The following XRN1 variants were observed in gnomAD, a reference collection of about 807,000 sequenced individuals.
The protein encoded by XRN1 is strand-exchange protein 1 homolog.
XRN1 carries 67 observed loss-of-function variants against 222.3 expected under a neutral mutation model. The ratio of observed to expected loss-of-function variants is 0.30; its 90% CI spans 0.25 to 0.37. The LOEUF (loss-of-function observed/expected upper bound fraction) is 0.37. Among genes scored for constraint, XRN1 ranks in the 10% least tolerant of loss-of-function variants. XRN1 has a pLI of 1.00. For synonymous variants in XRN1, 643 were observed against 652.4 expected, an observed-to-expected ratio of 0.99 and a Z score of 0.22; for missense variants, 1,707 against 2,000.2, an observed-to-expected ratio of 0.85 and a Z score of 2.80.
chr3:142,391,736 T>TA (rs201046497), intron 20 of XRN1, among the ~76,000 whole-genome samples: 25 of 122,146 alleles, frequency 2.0e-4, no homozygotes, highest in African/African-American at 6.5e-4. Flanking sequence ...CCCGTCTCAC[T>TA]AAAAAAAAAA....
At chr3:142,411,478 T>C (rs1350303790) in intron 15 of XRN1, among the ~76,000 whole-genome samples, 1 of 152,112 alleles carries the variant, frequency 6.6e-6, no homozygotes, top group African/African-American at 2.4e-5. Context: ...TAAATTTCCT[T>C]TTAAGCCCTG....
intron 25 of XRN1, among the ~76,000 whole-genome samples, chr3:142,372,634 C>G (rs970336899): frequency 2.0e-5 from 3 of 152,192 alleles, no homozygotes; most frequent in African/African-American, 7.2e-5. Flanking sequence ...TTCTCCTCAT[C>G]CAGGCAATTA....
At chr3:142,417,294 G>T in intron 12 of XRN1, 65 bp from the exon 13 acceptor site, 1 of 1,311,980 alleles carries the variant, frequency 7.6e-7, no homozygotes, top group South Asian at 1.3e-5. Flanking sequence ...TTAGAGCACG[G>T]TATCTGCTGA....
At chr3:142,316,214 C>CTTTTTTTTTTT (rs377522108) in intron 39 of XRN1, among the ~76,000 whole-genome samples, 9 of 111,828 alleles carry the variant, frequency 8.0e-5, no homozygotes, top group Non-Finnish European at 1.1e-4. Context: ...TCATTATCTT[C>CTTTTTTTTTTT]TTTTTTTTTT....
chr3:142,391,744 A>AT lies in XRN1; in HGVS notation c.2339+5584_2339+5585insA, dbSNP rs1271170653. On this transcript the variant is annotated intron_variant, in intron 20 of 40. Transcript: ENST00000392981. Reference sequence around the variant, plus strand: ...GTAAGACCCCGTCTCACTAAAAAAAAAAAAAATATATATATATATATATAT... The same window carrying AT: ...GTAAGACCCCGTCTCACTAAAAAAAATAAAAAATATATATATATATATATAT... Among the ~76,000 whole-genome samples the AT allele has an allele frequency of 6.4e-5, 5 of 78,316 alleles. No homozygotes were observed. In the South Asian group the frequency reaches 1.8e-3, roughly 29 times the overall value. The allele number at this position is 78,316 out of a possible 152,430, so 51.4% of individuals were successfully genotyped here. A position where few individuals can be genotyped will look rare whatever the true frequency, so the allele number is the denominator to read the frequency against.
chr3:142,408,420 A>G (rs1286915684), intron 15 of XRN1, among the ~76,000 whole-genome samples: 1 of 152,170 alleles, frequency 6.6e-6, no homozygotes, highest in Non-Finnish European at 1.5e-5. Flanking sequence ...AGGGTCTTCT[A>G]TCCCTTGCGA....
At chr3:142,396,055 A>G (rs1407965598) in intron 20 of XRN1, among the ~76,000 whole-genome samples, 2 of 152,218 alleles carry the variant, frequency 1.3e-5, no homozygotes, top group East Asian at 1.9e-4. Context: ...GTTGTCTCCC[A>G]TCCAGCAGCT....
chr3:142,358,545 CT>C (rs2066527656), intron 30 of XRN1, among the ~76,000 whole-genome samples: 1 of 152,160 alleles, frequency 6.6e-6, no homozygotes, highest in Admixed American at 6.6e-5. Context: ...GGCAGGTAAT[CT>C]TTTACCCAGC....
chr3:142,398,116 A>ATC (rs1185517347), intron 19 of XRN1, among the ~76,000 whole-genome samples: 1 of 151,988 alleles, frequency 6.6e-6, no homozygotes, highest in South Asian at 2.1e-4. Flanking sequence ...ATGGTAACAC[A>ATC]TATCTGTAGT....
chr3:142,380,490 T>G (rs2067270751), intron 22 of XRN1, among the ~76,000 whole-genome samples: 1 of 152,090 alleles, frequency 6.6e-6, no homozygotes, highest in Non-Finnish European at 1.5e-5. Context: ...CGAGATCAGG[T>G]GCGTTCAGGG....
intron 24 of XRN1, 22 bp downstream of exon 24, chr3:142,376,457 A>C: frequency 1.3e-6 from 2 of 1,559,892 alleles, no homozygotes; most frequent in Non-Finnish European, 1.8e-6. Context: ...ACTTTAAGTA[A>C]ATTTCTCTAA....
intron 35 of XRN1, 103 bp downstream of exon 35, chr3:142,332,864 C>T (rs2065739314): frequency 6.8e-7 from 1 of 1,477,850 alleles, no homozygotes; most frequent in Admixed American, 2.2e-5. Flanking sequence ...ATGTAACATA[C>T]CAGCCTCCAT....
In XRN1 at chr3:142,425,219, T is replaced by C; in HGVS notation, c.627+3A>G. The C allele has an allele frequency of 6.4e-7, 1 of 1,551,906 alleles. No homozygotes were observed. The highest frequency in any genetic ancestry group is 1.2e-5 in the South Asian group (1 of 80,474). On this transcript the variant is annotated splice_donor_region_variant and intron_variant, in intron 5 of 40. Transcript: ENST00000392981. ...AGTTTATAATAATAAAAATTATACC[T>C]ACCAAGTCAGCATCTAAACCATAAA...
At chr3:142,351,627 C>T (rs1368114674) in intron 32 of XRN1, among the ~76,000 whole-genome samples, 2 of 152,036 alleles carry the variant, frequency 1.3e-5, no homozygotes, top group Admixed American at 6.6e-5. Flanking sequence ...AACTCCCTCC[C>T]GCTCTCTTAA....
chr3:142,373,608 C>G (rs893119785), intron 25 of XRN1, among the ~76,000 whole-genome samples: 1 of 152,094 alleles, frequency 6.6e-6, no homozygotes, highest in African/African-American at 2.4e-5. Context: ...GAAAATAGAT[C>G]ACATACAGAA....
At chr3:142,380,492 C>G (rs1396936130) in intron 22 of XRN1, among the ~76,000 whole-genome samples, 1 of 151,974 alleles carries the variant, frequency 6.6e-6, no homozygotes, top group Non-Finnish European at 1.5e-5. Context: ...AGATCAGGTG[C>G]GTTCAGGGTG....
At chr3:142,404,835 C>G in intron 16 of XRN1, 72 bp downstream of exon 16, 1 of 1,444,574 alleles carries the variant, frequency 6.9e-7, no homozygotes, top group Non-Finnish European at 9.6e-7. Flanking sequence ...TCAAAGCTCC[C>G]CCTTCACCAC....
chr3:142,405,496 A>T (rs1183243526), intron 15 of XRN1, among the ~76,000 whole-genome samples: 1 of 152,220 alleles, frequency 6.6e-6, no homozygotes, highest in Non-Finnish European at 1.5e-5. Flanking sequence ...TCCAGTCAGG[A>T]CATCAATGAT....
Position 142,383,419 on chromosome 3 carries a change from T to A in XRN1, c.2503-6A>T. 6.2e-7 allele frequency: 1 copy of A among 1,603,256 alleles called. No homozygotes were observed. The highest frequency in any genetic ancestry group is 8.5e-7 in the Non-Finnish European group (1 of 1,173,610). On this transcript the variant is annotated splice_polypyrimidine_tract_variant and splice_region_variant and intron_variant, in intron 21 of 40. Transcript: ENST00000392981. ...GAGTCGAAAGCTCGGATGTCCTACA[T>A]AAAATAAAAGTAAATAATCTTAGTC...
Sources: allele counts gnomAD v4.1 joint callset (sites outside exome capture counted in the v4.1 genomes callset), GRCh38; gene constraint gnomAD v4.1.1; transcripts MANE v1.5; gene names NCBI Gene and HGNC (gene_info 2026-07-23, HGNC 2026-07-21).